SRP54: variants seen among roughly 807,000 people sequenced by gnomAD.
The protein encoded by SRP54 is signal recognition particle subunit SRP54.
Under a neutral mutation model 64.8 loss-of-function variants are expected in SRP54, and 10 were observed. The ratio of observed to expected loss-of-function variants is 0.15; its 90% confidence interval spans 0.10 to 0.26. The LOEUF is 0.26. Among genes scored for constraint, SRP54 ranks in the 10% least tolerant of loss-of-function variants. SRP54 has a pLI of 1.00. For synonymous variants in SRP54, 193 were observed against 185.6 expected (o/e 1.04, Z -0.32); for missense variants, 325 against 613.7 (o/e 0.53, Z 4.97).
intron 1 of SRP54, among the ~76,000 whole-genome samples, chr14:34,989,565 A>T (rs544399002): frequency 1.1e-4 from 16 of 152,292 alleles, no homozygotes; most frequent in Middle Eastern, 3.4e-3. Flanking sequence ...GATCAGGCAA[A>T]TCTGGCAGGA....
intron 1 of SRP54, among the ~76,000 whole-genome samples, chr14:34,989,647 C>T (rs893036615): frequency 6.6e-6 from 1 of 152,076 alleles, no homozygotes; most frequent in East Asian, 1.9e-4. Flanking sequence ...AATAATCTGG[C>T]AGTTGTAATT....
At chr14:35,006,907 T>C (rs1003380119) in intron 4 of SRP54, among the ~76,000 whole-genome samples, 1 of 152,206 alleles carries the variant, frequency 6.6e-6, no homozygotes, top group Admixed American at 6.6e-5. Flanking sequence ...AATTTAAAAG[T>C]TGTGGCAGCA....
chr14:35,018,030 A>C (rs1282130377), intron 11 of SRP54, among the ~76,000 whole-genome samples: 1 of 152,220 alleles, frequency 6.6e-6, no homozygotes, highest in Non-Finnish European at 1.5e-5. Flanking sequence ...CTTGAGCTCA[A>C]GAGTTTGAGG....
chr14:35,000,872 T>C, intron 3 of SRP54, 64 bp from the exon 4 acceptor site: 1 of 855,666 alleles, frequency 1.2e-6, no homozygotes, highest in Non-Finnish European at 1.8e-6. Context: ...AGAAGCTTCT[T>C]TTTCTTAGAG....
At position 35,012,027 on chromosome 14, in the gene SRP54, G is replaced by A. The variant is rs570393096; in HGVS notation, c.636+368G>A. ...AGGTCAGGAGTTCAAGATCAGCCTG[G>A]CCAACATGGTGAAACTCCGTCTCTA... On this transcript the variant is annotated intron_variant, in intron 8 of 15. Coordinates refer to ENST00000216774, the MANE Select transcript of SRP54 (RefSeq NM_003136.4). Among the ~76,000 whole-genome samples the A allele has an allele frequency of 5.9e-5, 9 of 152,082 alleles. 1 individual carries two copies. The South Asian group carries it at 1.7e-3, about 28-fold the overall frequency.
chr14:35,007,189 G>A (rs1284344067), intron 4 of SRP54, 94 bp from the exon 5 acceptor site: 3 of 724,972 alleles, frequency 4.1e-6, no homozygotes, highest in Non-Finnish European at 4.4e-6. Flanking sequence ...GTGTGACCCT[G>A]TCTCAAAAAA....
intron 2 of SRP54, 88 bp from the exon 3 acceptor site, chr14:34,999,468 CTG>C: frequency 1.2e-6 from 1 of 861,048 alleles, no homozygotes; most frequent in Non-Finnish European, 1.9e-6. Context: ...TATTACTAAG[CTG>C]TGGTTATGTA....
At chr14:35,009,350 A>ATAT (rs2044318128) in intron 7 of SRP54, among the ~76,000 whole-genome samples, 1 of 150,850 alleles carries the variant, frequency 6.6e-6, no homozygotes, top group Non-Finnish European at 1.5e-5. Flanking sequence ...GCAGCCACAC[A>ATAT]CATGTTCTTA....
At chr14:35,023,149 C>T (rs2044562826) in intron 14 of SRP54, 69 bp downstream of exon 14, 1 of 1,333,724 alleles carries the variant, frequency 7.5e-7, no homozygotes, top group Non-Finnish European at 1.0e-6. Context: ...AAGAGTGCTG[C>T]CAGTATTGGA....
intron 1 of SRP54, among the ~76,000 whole-genome samples, chr14:34,990,698 A>G (rs2043963258): frequency 6.6e-6 from 1 of 152,226 alleles, no homozygotes; most frequent in South Asian, 2.1e-4. Flanking sequence ...AACATACAAA[A>G]GGTATTTTTC....
At chr14:35,005,214 T>C (rs1347461203) in intron 4 of SRP54, among the ~76,000 whole-genome samples, 1 of 152,148 alleles carries the variant, frequency 6.6e-6, no homozygotes, top group African/African-American at 2.4e-5. Flanking sequence ...ATGCCTGTAG[T>C]TCCAGCTACT....
chr14:35,003,932 CAAAA>C (rs910674852), intron 4 of SRP54, among the ~76,000 whole-genome samples: 40 of 62,814 alleles, frequency 6.4e-4, no homozygotes, highest in Middle Eastern at 6.2e-3. Context: ...AGACCTGTCT[CAAAA>C]TAAATAAATA....
At chr14:34,993,603 C>T (rs1306019113) in intron 1 of SRP54, among the ~76,000 whole-genome samples, 3 of 152,110 alleles carry the variant, frequency 2.0e-5, no homozygotes, top group Non-Finnish European at 4.4e-5. Context: ...TTTTCCCTTC[C>T]TGCCTTTTTA....
intron 8 of SRP54, among the ~76,000 whole-genome samples, chr14:35,013,107 C>G (rs1308318032): frequency 6.6e-6 from 1 of 151,720 alleles, no homozygotes; most frequent in African/African-American, 2.4e-5. Context: ...CCATGCCTGG[C>G]TAATTTTTGT....
chr14:35,014,926 AGAGT>A (rs1421636420), intron 11 of SRP54, 96 bp downstream of exon 11: 6 of 848,088 alleles, frequency 7.1e-6, no homozygotes, highest in Non-Finnish European at 1.1e-5. Flanking sequence ...AATATCTGTT[AGAGT>A]CAGATCTTCC....
chr14:35,028,048 C>G, intron 14 of SRP54, 40 bp from the exon 15 acceptor site: 1 of 1,378,588 alleles, frequency 7.3e-7, no homozygotes, highest in Non-Finnish European at 1.0e-6. Flanking sequence ...ATTATATTAC[C>G]TCCTACGCTG....
chr14:35,019,913 C>T (rs2044498026), intron 13 of SRP54, among the ~76,000 whole-genome samples: 4 of 152,310 alleles, frequency 2.6e-5, no homozygotes, highest in African/African-American at 7.2e-5. Context: ...GGCGCAGTGG[C>T]TCACGACGCC....
At position 35,014,837 on chromosome 14, in the gene SRP54, G is replaced by T; in HGVS notation, c.973+7G>T. 6.3e-7 allele frequency: 1 copy of T among 1,596,706 alleles called. No homozygotes were observed. The highest frequency in any genetic ancestry group is 1.1e-5 in the South Asian group (1 of 87,852). On this transcript the variant is annotated splice_region_variant and intron_variant, in intron 11 of 15. Transcript: ENST00000216774. ...ATAGAGAAGTTGAAACATGGTATAT[G>T]AGTGACAAAAAAGCACTTCATCTCA...
chr14:35,009,436 T>C (rs2044320451), intron 7 of SRP54, among the ~76,000 whole-genome samples: 1 of 151,890 alleles, frequency 6.6e-6, no homozygotes, highest in Non-Finnish European at 1.5e-5. Context: ...ACATTATGTG[T>C]CTTTATTTGA....
Sources: allele counts gnomAD v4.1 joint callset (sites outside exome capture counted in the v4.1 genomes callset), GRCh38; gene constraint gnomAD v4.1.1; transcripts MANE v1.5; gene names NCBI Gene and HGNC (gene_info 2026-07-23, HGNC 2026-07-21).